Variants in THAP4 observed in about 807,000 individuals in gnomAD.
THAP4 encodes peroxynitrite isomerase THAP4.
A neutral mutation model predicts 48.1 loss-of-function variants in THAP4; 18 were observed. That is an observed-to-expected ratio of 0.37 (90% CI 0.26 to 0.56). The LOEUF (loss-of-function observed/expected upper bound fraction) is 0.56, where lower values mean the gene tolerates loss of function less well. Ranked by LOEUF, THAP4 falls within the 20% of genes least tolerant of loss-of-function variation. The pLI, the probability that THAP4 is intolerant of heterozygous loss-of-function variation, is 0.78. For missense variants in THAP4, 656 were observed against 774.9 expected, an observed-to-expected ratio of 0.85 and a Z score of 1.82; for synonymous variants, 345 against 324.9, an observed-to-expected ratio of 1.06 and a Z score of -0.66.
chr2:241,602,620 C>T (rs1201381631), intron 4 of THAP4, among the ~76,000 whole-genome samples: 1 of 152,232 alleles, frequency 6.6e-6, no homozygotes, highest in African/African-American at 2.4e-5. Flanking sequence ...CCCACCTAGG[C>T]CTCCCAAAGT....
chr2:241,633,797 G>A lies in THAP4; in HGVS notation c.360C>T (p.Thr120=), dbSNP rs891628219. The change falls in exon 2 of 6, where the codon ACC becomes ACT. Residue 120 remains threonine (T), a synonymous_variant. Transcript: ENST00000407315. The surrounding 1 kb of genome is among the most constrained non-coding windows in gnomAD (Gnocchi z 7.5). ...GTGACCAACCTGCAGCTCCTCTGCT[G>A]GTGGCGGCACTCGAGTGTCCCCTCA... ...GGVRGHSSAA[T]SRGAAGWSPS... 11 of 1,613,508 alleles carry A rather than the reference G, an allele frequency of 6.8e-6. No individual in the cohort carries two copies. The highest frequency in any genetic ancestry group is 3.3e-5 in the Admixed American group (2 of 60,000).
At chr2:241,620,895 T>G (rs547290690) in intron 2 of THAP4, among the ~76,000 whole-genome samples, 33 of 152,064 alleles carry the variant, frequency 2.2e-4, no homozygotes, top group Non-Finnish European at 4.3e-4. Context: ...AACATCATCA[T>G]GTAGCACACG....
At chr2:241,621,519 G>A (rs1158154228) in intron 2 of THAP4, among the ~76,000 whole-genome samples, 1 of 152,016 alleles carries the variant, frequency 6.6e-6, no homozygotes, top group Non-Finnish European at 1.5e-5. Context: ...GAATCTCTAA[G>A]GGCTCATCAA....
At chr2:241,600,485 T>C (rs947606558) in intron 5 of THAP4, among the ~76,000 whole-genome samples, 4 of 152,054 alleles carry the variant, frequency 2.6e-5, no homozygotes, top group Admixed American at 2.6e-4. Context: ...CCTAGCACTT[T>C]GGGAGGCCGA....
chr2:241,603,588 T>C (rs530821358), intron 3 of THAP4, among the ~76,000 whole-genome samples: 32 of 152,340 alleles, frequency 2.1e-4, no homozygotes, highest in African/African-American at 7.5e-4. Flanking sequence ...CTGTTCTTAA[T>C]CACCTCAGGG....
At chr2:241,634,302 G>A (rs1347648395) in intron 1 of THAP4, among the ~76,000 whole-genome samples, 2 of 152,216 alleles carry the variant, frequency 1.3e-5, no homozygotes, top group Non-Finnish European at 2.9e-5. Context: ...AGAGCTTATA[G>A]TCTGTAGGGC....
rs995617134 is a variant in THAP4 at position 241,609,013 on chromosome 2, G to A, written c.1241-2540C>T. Among the ~76,000 whole-genome samples, 6 of 152,220 alleles carry A rather than the reference G, an allele frequency of 3.9e-5. No individual in the cohort carries two copies. The East Asian group carries it at 7.7e-4, about 20-fold the overall frequency. On this transcript the variant is annotated intron_variant, in intron 2 of 5. Coordinates refer to ENST00000407315, the MANE Select transcript of THAP4 (RefSeq NM_015963.6). ...CAGGGGAAGGAGATCCTCACCCCTC[G>A]GAAGGGCCGTGACCTTGACTCTGAG...
In THAP4 at chr2:241,636,927, C is replaced by A; in HGVS notation, c.77+14G>T. On this transcript the variant is annotated intron_variant, in intron 1 of 5. Coordinates refer to ENST00000407315, the MANE Select transcript of THAP4 (RefSeq NM_015963.6). ...GGGTCGGGGCGGGGGCGTGGCGGCC[C>A]GGGGCCCGCGTACCTGTGGAAGGAG... 1.6e-6 allele frequency: 2 copies of A among 1,239,638 alleles called. No homozygotes were observed. The highest frequency in any genetic ancestry group is 1.0e-6 in the Non-Finnish European group (1 of 966,738). The allele number at this position is 1,239,638 out of a possible 1,614,324, so 76.8% of individuals were successfully genotyped here.
intron 2 of THAP4, among the ~76,000 whole-genome samples, chr2:241,627,469 T>G (rs576813257): frequency 6.6e-6 from 1 of 152,200 alleles, no homozygotes; most frequent in Non-Finnish European, 1.5e-5. Context: ...AAGGAATCGC[T>G]GCTGGCGGAG....
At chr2:241,584,826 G>A (rs1457406901) in intron 5 of THAP4, 101 bp from the exon 6 acceptor site, 8 of 1,476,298 alleles carry the variant, frequency 5.4e-6, no homozygotes, top group Non-Finnish European at 7.5e-6. Flanking sequence ...CACGGGCTGT[G>A]AGCCAGGCAG....
intron 2 of THAP4, among the ~76,000 whole-genome samples, chr2:241,631,865 T>C (rs2067566539): frequency 6.6e-6 from 1 of 152,182 alleles, no homozygotes; most frequent in South Asian, 2.1e-4. Context: ...GCAGTTTTAA[T>C]TTTTGCAACA....
At chr2:241,614,803 C>T (rs1389728829) in intron 2 of THAP4, among the ~76,000 whole-genome samples, 1 of 152,082 alleles carries the variant, frequency 6.6e-6, no homozygotes, top group Non-Finnish European at 1.5e-5. Flanking sequence ...GCAGGAGAAT[C>T]GCTTGAAACT....
rs1177240831 is a variant in THAP4 at position 241,620,032 on chromosome 2, G to GGTGAGTGAGGA, written c.1240+12874_1240+12884dup. Among the ~76,000 whole-genome samples, 8 of 94,766 alleles carry GGTGAGTGAGGA rather than the reference G, an allele frequency of 8.4e-5. 1 individual carries two copies. The highest frequency in any genetic ancestry group is 1.3e-3 in the South Asian group (2 of 1,532). 62.2% of individuals were successfully genotyped at this position (94,766 alleles called of 152,430 possible). A position where few individuals can be genotyped will look rare whatever the true frequency, so the allele number is the denominator to read the frequency against. ...GTGAGGGATGAGTGAGGGGTGAGTTGGTGAGTGAGGAGTGAGTGAGGGGTG... is the reference window on the plus strand; with the variant it reads ...GTGAGGGATGAGTGAGGGGTGAGTTGGTGAGTGAGGAGTGAGTGAGGAGTGAGTGAGGGGTG... On this transcript the variant is annotated intron_variant, in intron 2 of 5. Coordinates refer to ENST00000407315, the MANE Select transcript of THAP4 (RefSeq NM_015963.6).
At chr2:241,631,606 C>CA (rs1399090141) in intron 2 of THAP4, among the ~76,000 whole-genome samples, 2 of 152,270 alleles carry the variant, frequency 1.3e-5, no homozygotes, top group African/African-American at 4.8e-5. Context: ...GTTGGGACCA[C>CA]AGGCGTGCAC....
intron 5 of THAP4, chr2:241,584,941 ATTGT>A: frequency 1.7e-6 from 1 of 598,304 alleles, no homozygotes; most frequent in South Asian, 1.9e-5. Context: ...GAACACAGGG[ATTGT>A]TTATTTAGAA....
chr2:241,629,663 T>C (rs1337892056), intron 2 of THAP4, among the ~76,000 whole-genome samples: 2 of 151,328 alleles, frequency 1.3e-5, no homozygotes, highest in Non-Finnish European at 2.9e-5. Flanking sequence ...TAAAATAAGA[T>C]GAAAAGGTTG....
At chr2:241,604,101 T>C (rs561129190) in intron 3 of THAP4, among the ~76,000 whole-genome samples, 34 of 152,256 alleles carry the variant, frequency 2.2e-4, no homozygotes, top group Middle Eastern at 3.4e-3. Flanking sequence ...AAACTTTATT[T>C]ATTTATTTTT....
In THAP4 at chr2:241,610,491, C is replaced by CA. The variant is rs896090491; in HGVS notation, c.1241-4019dup. Among the ~76,000 whole-genome samples, 11 of 152,232 alleles carry CA rather than the reference C, an allele frequency of 7.2e-5. No individual in the cohort carries two copies. Among genetic ancestry groups the CA allele is most frequent in the Admixed American group, 5.9e-4 (9 of 15,292 alleles). On this transcript the variant is annotated intron_variant, in intron 2 of 5. Transcript: ENST00000407315. The surrounding 1 kb of genome is among the most constrained non-coding windows in gnomAD (Gnocchi z 4.2). ...CTCACCTAGCAGGCGTCACAGGGCT[C>CA]ACTCAAGAGCTCCAGCAAGAGCAGA...
Position 241,633,648 on chromosome 2 carries a change from G to C in THAP4, c.509C>G (p.Ala170Gly). Residue 170 changes from alanine to glycine, a missense_variant, in exon 2 of 6, where the codon GCT becomes GGT. This residue lies in a region of THAP4 where 391 missense variants were observed against 412.4 expected (regional missense o/e 0.95). Coordinates refer to ENST00000407315, the MANE Select transcript of THAP4 (RefSeq NM_015963.6). The surrounding 1 kb of genome is among the most constrained non-coding windows in gnomAD (Gnocchi z 7.5). Reference sequence around the variant, plus strand: ...TCCATCTCCTGGAGTCCGTTCCAGAGCTTGCTGGGCCTGCTCCTGGCTGGC... The same window carrying C: ...TCCATCTCCTGGAGTCCGTTCCAGACCTTGCTGGGCCTGCTCCTGGCTGGC... ...EAASQEQAQQALERTPGDGLA... is the reference protein window; with the variant it reads ...EAASQEQAQQGLERTPGDGLA... 1 of 1,612,552 alleles carries C rather than the reference G, an allele frequency of 6.2e-7. No homozygotes were observed. The highest frequency in any genetic ancestry group is 8.5e-7 in the Non-Finnish European group (1 of 1,179,956).
Sources: allele counts gnomAD v4.1 joint callset (sites outside exome capture counted in the v4.1 genomes callset), GRCh38; gene constraint gnomAD v4.1.1; regional missense constraint gnomAD v4.1.1; non-coding constraint Gnocchi (gnomAD v3.1); transcripts MANE v1.5; gene names NCBI Gene and HGNC (gene_info 2026-07-23, HGNC 2026-07-21).